Variants in PLCB1 observed in about 807,000 individuals in gnomAD.
The protein encoded by PLCB1 is 1-phosphatidylinositol 4,5-bisphosphate phosphodiesterase beta-1.
In PLCB1, 46 loss-of-function variants were observed where a neutral mutation model predicts 161.8. The ratio of observed to expected loss-of-function variants is 0.28; its 90% confidence interval spans 0.22 to 0.36. The LOEUF (loss-of-function observed/expected upper bound fraction) is 0.36. Among genes scored for constraint, PLCB1 ranks in the 10% least tolerant of loss-of-function variants. The pLI is 1.00. For missense variants in PLCB1, 1,016 were observed against 1,472.5 expected (o/e 0.69, Z 5.07); for synonymous variants, 517 against 503.7 (o/e 1.03, Z -0.35).
At chr20:8,548,248 C>T (rs6086498) in intron 3 of PLCB1, among the ~76,000 whole-genome samples, 2 of 116,992 alleles carry the variant, frequency 1.7e-5, no homozygotes, top group African/African-American at 3.4e-5. Flanking sequence ...CCCTCTTCCT[C>T]TTTTTCACCC....
chr20:8,385,994 T>C (rs1987415416), intron 3 of PLCB1, among the ~76,000 whole-genome samples: 1 of 152,246 alleles, frequency 6.6e-6, no homozygotes. Context: ...TATTATAAGA[T>C]TGCAGCAAAG....
intron 19 of PLCB1, 125 bp downstream of exon 19, chr20:8,733,517 T>G: frequency 1.2e-6 from 1 of 852,520 alleles, no homozygotes; most frequent in South Asian, 1.8e-5. Context: ...TTCCTACATT[T>G]TTTTTCTCTA....
chr20:8,781,386 TCACACACACAAACACACACA>T (rs1188615598), intron 27 of PLCB1, among the ~76,000 whole-genome samples: 123 of 142,896 alleles, frequency 8.6e-4, no homozygotes, highest in African/African-American at 3.0e-3. Flanking sequence ...CCAGTGGGAT[TCACACACACAAACACACACA>T]CACACACACA....
At chr20:8,274,187 T>G (rs1374072027) in intron 2 of PLCB1, among the ~76,000 whole-genome samples, 1 of 152,090 alleles carries the variant, frequency 6.6e-6, no homozygotes, top group African/African-American at 2.4e-5. Flanking sequence ...ACATTTGTGT[T>G]TGTATGTGTG....
intron 3 of PLCB1, among the ~76,000 whole-genome samples, chr20:8,490,031 T>C (rs1982880028): frequency 6.6e-6 from 1 of 152,144 alleles, no homozygotes; most frequent in African/African-American, 2.4e-5. Flanking sequence ...GAATACAATA[T>C]AAAAATGTCT....
At chr20:8,722,452 C>T (rs992245211) in intron 15 of PLCB1, 31 bp downstream of exon 15, 1 of 1,512,384 alleles carries the variant, frequency 6.6e-7, no homozygotes, top group Non-Finnish European at 9.1e-7. Flanking sequence ...GTCCCTAAGG[C>T]ATTCCACCAC....
intron 23 of PLCB1, among the ~76,000 whole-genome samples, chr20:8,745,177 A>G (rs899253757): frequency 2.0e-5 from 3 of 152,192 alleles, no homozygotes; most frequent in African/African-American, 4.8e-5. Flanking sequence ...AGGAAAAAAA[A>G]TCATTTGCCC....
chr20:8,468,741 A>G (rs769638846), intron 3 of PLCB1, among the ~76,000 whole-genome samples: 1 of 152,190 alleles, frequency 6.6e-6, no homozygotes, highest in African/African-American at 2.4e-5. Context: ...CCATTTATGT[A>G]ACTCTTTATG....
At chr20:8,265,153 C>A (rs894993887) in intron 2 of PLCB1, among the ~76,000 whole-genome samples, 2 of 152,146 alleles carry the variant, frequency 1.3e-5, no homozygotes, top group African/African-American at 4.8e-5. Context: ...CTACCTCTAC[C>A]AATTACACCA....
intron 3 of PLCB1, among the ~76,000 whole-genome samples, chr20:8,478,898 T>C (rs1321229958): frequency 1.3e-5 from 2 of 152,166 alleles, no homozygotes; most frequent in African/African-American, 4.8e-5. Flanking sequence ...TGATGTAAAC[T>C]TCATTCATTA....
At chr20:8,202,085 G>A (rs1166054192) in intron 2 of PLCB1, among the ~76,000 whole-genome samples, 1 of 152,084 alleles carries the variant, frequency 6.6e-6, no homozygotes, top group East Asian at 1.9e-4. Flanking sequence ...GTATTTTGTT[G>A]TTGTTGTTTT....
At chr20:8,594,881 T>C (rs1309363217) in intron 3 of PLCB1, among the ~76,000 whole-genome samples, 1 of 152,180 alleles carries the variant, frequency 6.6e-6, no homozygotes, top group Non-Finnish European at 1.5e-5. Flanking sequence ...CCAAATTAGG[T>C]GTTTAAAAAG....
chr20:8,530,573 C>T (rs1054806461), intron 3 of PLCB1, among the ~76,000 whole-genome samples: 2 of 152,058 alleles, frequency 1.3e-5, no homozygotes, highest in Non-Finnish European at 1.5e-5. Context: ...GATACCAATA[C>T]TTCAAAATTT....
chr20:8,514,246 C>T (rs1984013453), intron 3 of PLCB1, among the ~76,000 whole-genome samples: 1 of 151,710 alleles, frequency 6.6e-6, no homozygotes, highest in Non-Finnish European at 1.5e-5. Flanking sequence ...TCGAGACCAA[C>T]CTGGGCAACA....
rs564347309 is a variant in PLCB1 at position 8,878,977 on chromosome 20, A to G, written c.3424-2645A>G. The stretch of plus-strand genomic sequence containing the variant: ...CCCCGACTCCCTCCCCCACTTTATT[A>G]GTCCCCAGTGTCAATCATTGCCATA... On this transcript the variant is annotated intron_variant, in intron 31 of 31. Coordinates refer to ENST00000338037, the MANE Select transcript of PLCB1 (RefSeq NM_015192.4). Among the ~76,000 whole-genome samples, 10 of 152,134 alleles carry G rather than the reference A, an allele frequency of 6.6e-5. No homozygotes were observed. In the East Asian group the frequency reaches 1.9e-3, roughly 30 times the overall value.
chr20:8,232,681 T>G (rs1980117354), intron 2 of PLCB1, among the ~76,000 whole-genome samples: 1 of 152,094 alleles, frequency 6.6e-6, no homozygotes, highest in African/African-American at 2.4e-5. Flanking sequence ...TATTTGTGCT[T>G]CTTGCTGGGC....
intron 18 of PLCB1, chr20:8,729,610 TAC>T (rs1980124564): frequency 6.5e-6 from 1 of 152,878 alleles, no homozygotes; most frequent in Non-Finnish European, 1.5e-5. Flanking sequence ...TTAAAATAAA[TAC>T]ATATATATTC....
chr20:8,339,397 A>G (rs988138884), intron 2 of PLCB1, among the ~76,000 whole-genome samples: 2 of 152,154 alleles, frequency 1.3e-5, no homozygotes, highest in African/African-American at 2.4e-5. Flanking sequence ...ACAGGAGGCA[A>G]TGGAATTATG....
rs1009559286 is a variant in PLCB1 at position 8,765,071 on chromosome 20, G to A, written c.2711-68G>A. The A allele has an allele frequency of 9.8e-6, 12 of 1,223,432 alleles. No homozygotes were observed. In the African/African-American group the frequency reaches 1.7e-4, roughly 17 times the overall value. 75.8% of individuals were successfully genotyped at this position (1,223,432 alleles called of 1,614,324 possible). On this transcript the variant is annotated intron_variant, in intron 25 of 31. Coordinates refer to ENST00000338037, the MANE Select transcript of PLCB1 (RefSeq NM_015192.4). ...TCAACCATTTCTTCCTAAGAAGGTA[G>A]CCGCTCTTCTTTCCATCTGGATGTT...
Sources: allele counts gnomAD v4.1 joint callset (sites outside exome capture counted in the v4.1 genomes callset), GRCh38; gene constraint gnomAD v4.1.1; transcripts MANE v1.5; gene names NCBI Gene and HGNC (gene_info 2026-07-23, HGNC 2026-07-21).